The following SGTA variants were observed in gnomAD, a reference collection of about 807,000 sequenced individuals.
SGTA encodes small glutamine-rich tetratricopeptide repeat-containing protein alpha.
In SGTA, 22 loss-of-function variants were observed where a neutral mutation model predicts 44.3. That is an observed-to-expected ratio of 0.50 (90% CI 0.36 to 0.71). The LOEUF is 0.71. SGTA is among the 30% of genes least tolerant of loss of function. The pLI, the probability that SGTA is intolerant of heterozygous loss-of-function variation, is 0.00. For synonymous variants in SGTA, 174 were observed against 177.6 expected, an observed-to-expected ratio of 0.98 and a Z score of 0.16; for missense variants, 341 against 435.9, an observed-to-expected ratio of 0.78 and a Z score of 1.94.
At chr19:2,779,124 G>A (rs1425675621) in intron 1 of SGTA, among the ~76,000 whole-genome samples, 1 of 152,178 alleles carries the variant, frequency 6.6e-6, no homozygotes, top group African/African-American at 2.4e-5. Flanking sequence ...GCCCCCAGCT[G>A]TAAATCACTG....
At chr19:2,778,770 G>GC (rs1382908969) in intron 1 of SGTA, among the ~76,000 whole-genome samples, 1 of 152,060 alleles carries the variant, frequency 6.6e-6, no homozygotes. Context: ...ACAAAGTGAG[G>GC]CCCTGTCTCT....
intron 4 of SGTA, among the ~76,000 whole-genome samples, chr19:2,766,273 T>C (rs1915140924): frequency 6.6e-6 from 1 of 152,056 alleles, no homozygotes; most frequent in African/African-American, 2.4e-5. Flanking sequence ...GTCTGGCCTC[T>C]CTCCCTGAGT....
chr19:2,776,974 A>G (rs1416916693), intron 1 of SGTA, among the ~76,000 whole-genome samples: 1 of 151,486 alleles, frequency 6.6e-6, no homozygotes, highest in Non-Finnish European at 1.5e-5. Context: ...AAAAAAAAAG[A>G]AAGACTGGTC....
intron 2 of SGTA, among the ~76,000 whole-genome samples, chr19:2,768,017 G>A (rs2144730253): frequency 6.6e-6 from 1 of 152,282 alleles, no homozygotes; most frequent in South Asian, 2.1e-4. Flanking sequence ...CCACCTGGAG[G>A]GCCACGTCAG....
At chr19:2,774,312 G>A (rs1310742426) in intron 1 of SGTA, among the ~76,000 whole-genome samples, 1 of 152,180 alleles carries the variant, frequency 6.6e-6, no homozygotes, top group Non-Finnish European at 1.5e-5. Flanking sequence ...ATAGACAGGA[G>A]AACAAACGGG....
intron 2 of SGTA, 92 bp downstream of exon 2, chr19:2,768,877 G>A (rs927436414): frequency 2.1e-6 from 2 of 931,716 alleles, no homozygotes; most frequent in African/African-American, 1.6e-5. Flanking sequence ...AAGCCAGGCG[G>A]GGGACCAGGC....
rs777697144 is a variant in SGTA at position 2,761,536 on chromosome 19, C to T, written c.637-14G>A. ...CACGCCTCCCGTCTGAGGATGAGAA[C>T]AGCCCTGGTTAGTGGGGCCTGGACC... On this transcript the variant is annotated splice_polypyrimidine_tract_variant and intron_variant, in intron 7 of 11. Coordinates refer to ENST00000221566, the MANE Select transcript of SGTA (RefSeq NM_003021.4). The surrounding 1 kb of genome is among the most constrained non-coding windows in gnomAD (Gnocchi z 5.7). 5 of 1,550,774 alleles carry T rather than the reference C, an allele frequency of 3.2e-6. No individual in the cohort carries two copies. The South Asian group carries it at 3.6e-5, about 11-fold the overall frequency.
intron 1 of SGTA, among the ~76,000 whole-genome samples, chr19:2,782,842 G>T (rs1837031253): frequency 6.6e-6 from 1 of 152,174 alleles, no homozygotes; most frequent in Admixed American, 6.5e-5. Context: ...TGGCGGCGCT[G>T]GAACCAGAGT....
chr19:2,771,294 C>G (rs192512635), intron 1 of SGTA, among the ~76,000 whole-genome samples: 3 of 152,088 alleles, frequency 2.0e-5, no homozygotes, highest in African/African-American at 4.8e-5. Context: ...CATGGTGGCA[C>G]GTGCCTGTAA....
In SGTA at chr19:2,757,461, C is replaced by T. The variant is rs369743800; in HGVS notation, c.828-4G>A. ...CTGCTGGGCAAACTGCTGGCCCCTG[C>T]GGGGAAGGGCACATGGGGCTCAGCC... On this transcript the variant is annotated splice_region_variant and splice_polypyrimidine_tract_variant and intron_variant, in intron 10 of 11. Coordinates refer to ENST00000221566, the MANE Select transcript of SGTA (RefSeq NM_003021.4). 98 of 1,606,550 alleles carry T rather than the reference C, an allele frequency of 6.1e-5. No individual in the cohort carries two copies. The highest frequency in any genetic ancestry group is 8.8e-5 in the South Asian group (8 of 91,048).
intron 1 of SGTA, chr19:2,778,093 T>G (rs1161940542): frequency 6.8e-6 from 1 of 147,410 alleles, no homozygotes; most frequent in Admixed American, 6.7e-5. Flanking sequence ...CACAGCCCCC[T>G]CTTACAGAGG....
At chr19:2,757,659 C>A in intron 10 of SGTA, 34 bp downstream of exon 10, 1 of 1,506,366 alleles carries the variant, frequency 6.6e-7, no homozygotes. Flanking sequence ...CCGCCGCCCA[C>A]GTCCTCCGTC....
chr19:2,781,457 G>GT (rs1915574360), intron 1 of SGTA, among the ~76,000 whole-genome samples: 1 of 152,188 alleles, frequency 6.6e-6, no homozygotes, highest in Admixed American at 6.5e-5. Context: ...TCAACTACAG[G>GT]TAACGCATAA....
chr19:2,765,119 G>GCT lies in SGTA; in HGVS notation c.392+65_392+66dup. ...GAGGCCTCTCCCATCTCAGGTCCCT[G>GCT]CTAAGCATCCCGGAGGACGCCCCCG... On this transcript the variant is annotated intron_variant, in intron 5 of 11. Transcript: ENST00000221566. The surrounding 1 kb of genome is among the most constrained non-coding windows in gnomAD (Gnocchi z 5.5). 8.9e-7 allele frequency: 1 copy of GCT among 1,126,224 alleles called. No homozygotes were observed. Among genetic ancestry groups the GCT allele is most frequent in the Admixed American group, 1.7e-5 (1 of 58,276 alleles). The allele number at this position is 1,126,224 out of a possible 1,614,324, so 69.8% of individuals were successfully genotyped here.
Position 2,757,789 on chromosome 19 carries a change from G to T in SGTA, c.738-7C>A, listed in dbSNP as rs765322420. 5 of 1,574,714 alleles carry T rather than the reference G, an allele frequency of 3.2e-6. No homozygotes were observed. The Admixed American group carries it at 9.2e-5, about 29-fold the overall frequency. On this transcript the variant is annotated splice_polypyrimidine_tract_variant and splice_region_variant and intron_variant, in intron 9 of 11. Transcript: ENST00000221566. The stretch of plus-strand genomic sequence containing the variant: ...CGAAATCATGCCGGACATGCTGCAG[G>T]AGAGAGCGCGTGACTCGCAGCCGGG...
intron 9 of SGTA, among the ~76,000 whole-genome samples, 194 bp downstream of exon 9, chr19:2,759,063 G>C (rs558888115): frequency 3.0e-4 from 46 of 152,258 alleles, no homozygotes; most frequent in Non-Finnish European, 8.8e-5. Context: ...GGTGGTGACA[G>C]TTGCATGACA....
chr19:2,775,671 G>A (rs559773906), intron 1 of SGTA, among the ~76,000 whole-genome samples: 152 of 152,314 alleles, frequency 1.0e-3, no homozygotes, highest in African/African-American at 2.0e-3. Flanking sequence ...CGTGGGTGCC[G>A]GGGCTTGGGG....
chr19:2,757,890 C>A (rs1241897687), intron 9 of SGTA, 108 bp from the exon 10 acceptor site: 1 of 702,570 alleles, frequency 1.4e-6, no homozygotes, highest in Admixed American at 3.5e-5. Context: ...TTCACCTTCC[C>A]CTGCAGGAGA....
At chr19:2,759,202 C>T (rs553425481) in intron 9 of SGTA, 55 bp downstream of exon 9, 8 of 1,537,994 alleles carry the variant, frequency 5.2e-6, no homozygotes, top group South Asian at 3.4e-5. Flanking sequence ...AATTTACCCA[C>T]AATAAAAGGA....
Sources: allele counts gnomAD v4.1 joint callset (sites outside exome capture counted in the v4.1 genomes callset), GRCh38; gene constraint gnomAD v4.1.1; non-coding constraint Gnocchi (gnomAD v3.1); transcripts MANE v1.5; gene names NCBI Gene and HGNC (gene_info 2026-07-23, HGNC 2026-07-21).